GNG2: variants seen among roughly 807,000 people sequenced by gnomAD.
GNG2 encodes G protein subunit gamma 2.
In GNG2, 5 loss-of-function variants were observed where a neutral mutation model predicts 5.5. The observed-to-expected ratio is 0.91, with a 90% CI of 0.48 to 1.92. The LOEUF is 1.92. GNG2 is among the 30% of genes most tolerant of loss of function. The pLI is 0.01. For synonymous variants in GNG2, 28 were observed against 32.0 expected, an observed-to-expected ratio of 0.88 and a Z score of 0.42; for missense variants, 55 against 88.4, an observed-to-expected ratio of 0.62 and a Z score of 1.52.
chr14:51,842,733 C>T (rs535722131), intron 2 of GNG2, among the ~76,000 whole-genome samples: 3 of 151,120 alleles, frequency 2.0e-5, no homozygotes, highest in South Asian at 2.1e-4. Flanking sequence ...GGCACAATCT[C>T]GGCTCACTGC....
chr14:51,833,242 C>T (rs1289022585), intron 2 of GNG2, among the ~76,000 whole-genome samples: 1 of 152,196 alleles, frequency 6.6e-6, no homozygotes, highest in Non-Finnish European at 1.5e-5. Context: ...AATCTACCTC[C>T]GGTACCTCTT....
intron 2 of GNG2, among the ~76,000 whole-genome samples, chr14:51,897,968 C>A (rs1043861497): frequency 6.6e-6 from 1 of 152,166 alleles, no homozygotes; most frequent in African/African-American, 2.4e-5. Context: ...GCAGAGAAAC[C>A]CTCTGGCTAT....
At chr14:51,892,813 T>C (rs559346877) in intron 2 of GNG2, among the ~76,000 whole-genome samples, 14 of 152,378 alleles carry the variant, frequency 9.2e-5, no homozygotes, top group African/African-American at 3.4e-4. Context: ...GGTTGCAATT[T>C]ATGAAATTGT....
intron 2 of GNG2, among the ~76,000 whole-genome samples, chr14:51,893,719 T>TA (rs1473662407): frequency 1.3e-5 from 2 of 152,144 alleles, no homozygotes; most frequent in Non-Finnish European, 2.9e-5. Context: ...TCTAATATTT[T>TA]AAAAAACATT....
At chr14:51,958,454 A>T in intron 3 of GNG2, among the ~76,000 whole-genome samples, 1 of 117,358 alleles carries the variant, frequency 8.5e-6, no homozygotes, top group Non-Finnish European at 1.7e-5. Flanking sequence ...CCCCCCATTT[A>T]TATTTCTTTC....
intron 3 of GNG2, among the ~76,000 whole-genome samples, chr14:51,955,752 C>T (rs1463898126): frequency 6.6e-6 from 1 of 152,184 alleles, no homozygotes; most frequent in Non-Finnish European, 1.5e-5. Flanking sequence ...TGTTTCATAT[C>T]ATTGTATGAT....
At chr14:51,916,599 T>A (rs532770535) in intron 2 of GNG2, 55 of 412,518 alleles carry the variant, frequency 1.3e-4, no homozygotes, top group African/African-American at 9.8e-4. Flanking sequence ...CAGTGGCCAT[T>A]GAGGGGGAGG....
intron 2 of GNG2, among the ~76,000 whole-genome samples, chr14:51,830,606 C>T (rs1018945513): frequency 1.3e-5 from 2 of 152,232 alleles, no homozygotes; most frequent in Non-Finnish European, 2.9e-5. Context: ...GTCTTCTTTT[C>T]ACTTGCAGAC....
intron 2 of GNG2, among the ~76,000 whole-genome samples, chr14:51,948,989 C>T (rs757053304): frequency 2.0e-5 from 3 of 151,844 alleles, no homozygotes; most frequent in African/African-American, 4.8e-5. Flanking sequence ...GGTGTGGTGG[C>T]GGGCACCTGT....
At position 51,877,602 on chromosome 14, in the gene GNG2, C is replaced by T; in HGVS notation, c.-70-15C>T. Reference sequence around the variant, plus strand: ...CCTTTTAAAAAATTCGTTTTTCTCTCTGCTTTCTCAACAGCCAGATCTGCC... The same window carrying T: ...CCTTTTAAAAAATTCGTTTTTCTCTTTGCTTTCTCAACAGCCAGATCTGCC... On this transcript the variant is annotated splice_polypyrimidine_tract_variant and intron_variant, in intron 1 of 3. Transcript: ENST00000556766. The T allele has an allele frequency of 2.2e-6, 1 of 455,790 alleles. No individual in the cohort carries two copies. The highest frequency in any genetic ancestry group is 1.6e-5 in the South Asian group (1 of 64,394). 28.2% of individuals were successfully genotyped at this position (455,790 alleles called of 1,614,324 possible). A position where few individuals can be genotyped will look rare whatever the true frequency, so the allele number is the denominator to read the frequency against.
chr14:51,844,240 A>G (rs1881561421), intron 2 of GNG2, among the ~76,000 whole-genome samples: 1 of 152,174 alleles, frequency 6.6e-6, no homozygotes, highest in African/African-American at 2.4e-5. Flanking sequence ...AGTCCCCTTA[A>G]CAATATTTGA....
Position 51,966,418 on chromosome 14 carries a change from T to C in GNG2, c.88-141T>C, listed in dbSNP as rs1889923813. ...TGTCGTCAACTTTCTTCTTTGCAGA[T>C]GAGGAAGCAGAAGCTTTTAGAGGCT... On this transcript the variant is annotated intron_variant, in intron 3 of 3. Transcript: ENST00000556766. 7 of 713,394 alleles carry C rather than the reference T, an allele frequency of 9.8e-6. No homozygotes were observed. In the East Asian group the frequency reaches 1.5e-4, roughly 16 times the overall value. 44.2% of individuals were successfully genotyped at this position (713,394 alleles called of 1,614,324 possible).
In GNG2 at chr14:51,916,207, G is replaced by A. The variant is rs1886610913; in HGVS notation, c.-29-34443G>A. On this transcript the variant is annotated intron_variant, in intron 2 of 3. Transcript: ENST00000556766. The stretch of plus-strand genomic sequence containing the variant: ...GTGTAAAATTTCCTTGTGTTGAGTG[G>A]TAGCTGATAGTGTCTAACCAGAGGC... 1.6e-5 allele frequency: 4 copies of A among 245,292 alleles called. No homozygotes were observed. In the South Asian group the frequency reaches 1.7e-4, roughly 10 times the overall value. The allele number at this position is 245,292 out of a possible 1,614,324, so 15.2% of individuals were successfully genotyped here.
intron 2 of GNG2, among the ~76,000 whole-genome samples, chr14:51,882,869 A>G (rs1325594835): frequency 1.3e-5 from 2 of 151,842 alleles, no homozygotes; most frequent in African/African-American, 4.8e-5. Flanking sequence ...AATTAGCTGG[A>G]CATGGTGGCA....
At chr14:51,901,464 G>A (rs1885551166) in intron 2 of GNG2, among the ~76,000 whole-genome samples, 1 of 152,086 alleles carries the variant, frequency 6.6e-6, no homozygotes, top group Non-Finnish European at 1.5e-5. Context: ...AAAGTGCTGA[G>A]ATTACAGATG....
chr14:51,860,117 G>A (rs982845393), upstream of GNG2, among the ~76,000 whole-genome samples: 11 of 152,124 alleles, frequency 7.2e-5, no homozygotes, highest in Admixed American at 5.9e-4. Flanking sequence ...CAAGCTGCAA[G>A]CTCCCAGCTA....
chr14:51,937,623 ATT>A (rs60571273), intron 2 of GNG2, among the ~76,000 whole-genome samples: 9,359 of 133,504 alleles, frequency 0.07, 1,020 homozygotes, highest in African/African-American at 0.1. Flanking sequence ...GAAATACATA[ATT>A]TTTTTTTTTT....
intron 1 of GNG2, among the ~76,000 whole-genome samples, chr14:51,870,897 C>G (rs553662763): frequency 1.3e-5 from 2 of 152,194 alleles, no homozygotes; most frequent in African/African-American, 4.8e-5. Context: ...TATTTCTGTG[C>G]ATGTTCATCA....
At chr14:51,875,413 A>G (rs1883589585) in intron 1 of GNG2, among the ~76,000 whole-genome samples, 1 of 152,208 alleles carries the variant, frequency 6.6e-6, no homozygotes, top group Non-Finnish European at 1.5e-5. Flanking sequence ...GGTTGGGGAA[A>G]GTAGCTATTA....
Sources: allele counts gnomAD v4.1 joint callset (sites outside exome capture counted in the v4.1 genomes callset), GRCh38; gene constraint gnomAD v4.1.1; transcripts MANE v1.5; gene names NCBI Gene and HGNC (gene_info 2026-07-23, HGNC 2026-07-21).